Variants in TENM2 observed in about 807,000 individuals in gnomAD.
TENM2 encodes teneurin transmembrane protein 2, also known as teneurin-2.
TENM2 carries 52 observed loss-of-function variants against 245.2 expected under a neutral mutation model. The ratio of observed to expected loss-of-function variants is 0.21; its 90% CI spans 0.17 to 0.27. The LOEUF (loss-of-function observed/expected upper bound fraction) is 0.27. TENM2 is among the 10% of genes least tolerant of loss of function. The pLI is 1.00. For missense variants in TENM2, 3,046 were observed against 3,666.8 expected, an observed-to-expected ratio of 0.83 and a Z score of 4.37; for synonymous variants, 1,363 against 1,438.9, an observed-to-expected ratio of 0.95 and a Z score of 1.19.
chr5:168,155,845 G>A (rs149207272), intron 12 of TENM2, among the ~76,000 whole-genome samples: 1,511 of 131,448 alleles, frequency 0.011, 40 homozygotes, highest in African/African-American at 0.04. Flanking sequence ...GCCAAGCTCT[G>A]TTGAAATATT....
intron 2 of TENM2, among the ~76,000 whole-genome samples, chr5:167,380,707 A>C (rs1341849518): frequency 5.9e-5 from 9 of 152,154 alleles, no homozygotes; most frequent in Non-Finnish European, 1.2e-4. Flanking sequence ...CTTCAGGGAC[A>C]CATTGGGCTT....
the TENM2 span, among the ~76,000 whole-genome samples, chr5:167,208,808 T>A: frequency 6.6e-6 from 1 of 152,244 alleles, no homozygotes; most frequent in Non-Finnish European, 1.5e-5. Context: ...TCCCAATGTC[T>A]AAAATGACAT....
At chr5:168,245,064 ACC>A (rs1310561902) in intron 26 of TENM2, among the ~76,000 whole-genome samples, 4 of 151,852 alleles carry the variant, frequency 2.6e-5, no homozygotes, top group African/African-American at 9.7e-5. Flanking sequence ...ACCGCACCTG[ACC>A]ATTTCTGCTG....
At chr5:167,704,983 G>C (rs887955922) in intron 2 of TENM2, among the ~76,000 whole-genome samples, 4 of 152,106 alleles carry the variant, frequency 2.6e-5, no homozygotes, top group African/African-American at 9.7e-5. Context: ...ATGCATTATT[G>C]ACAGTGGAGA....
intron 2 of TENM2, among the ~76,000 whole-genome samples, chr5:167,772,961 A>G (rs1763501605): frequency 6.6e-6 from 1 of 152,218 alleles, no homozygotes. Flanking sequence ...AAACAGAGTC[A>G]AAATATCAGA....
At chr5:167,124,905 A>G in the TENM2 span, among the ~76,000 whole-genome samples, 1 of 152,176 alleles carries the variant, frequency 6.6e-6, no homozygotes, top group Admixed American at 6.5e-5. Flanking sequence ...TTCTACAGAG[A>G]CTTCATCATG....
intron 2 of TENM2, among the ~76,000 whole-genome samples, chr5:167,723,390 C>G (rs1759769601): frequency 6.6e-6 from 1 of 152,270 alleles, no homozygotes; most frequent in South Asian, 2.1e-4. Context: ...GTCTCCCCAC[C>G]CTTGCACTTG....
intron 2 of TENM2, among the ~76,000 whole-genome samples, chr5:167,605,397 C>T (rs1383508525): frequency 2.0e-5 from 3 of 152,094 alleles, no homozygotes; most frequent in Admixed American, 6.6e-5. Flanking sequence ...ATGTTGAGCA[C>T]GCTATGACCT....
At chr5:168,052,571 G>A (rs1257687013) in intron 6 of TENM2, among the ~76,000 whole-genome samples, 1 of 151,962 alleles carries the variant, frequency 6.6e-6, no homozygotes, top group Non-Finnish European at 1.5e-5. Context: ...TACCTTCTAA[G>A]AATTAACCAA....
intron 2 of TENM2, among the ~76,000 whole-genome samples, chr5:167,441,134 C>T (rs1278638805): frequency 6.6e-6 from 1 of 152,194 alleles, no homozygotes; most frequent in Admixed American, 6.5e-5. Flanking sequence ...TAGGACTGCT[C>T]TCATTCATGG....
At chr5:167,465,905 A>T (rs1766623511) in intron 2 of TENM2, among the ~76,000 whole-genome samples, 1 of 152,134 alleles carries the variant, frequency 6.6e-6, no homozygotes, top group African/African-American at 2.4e-5. Flanking sequence ...GATGTATGGG[A>T]TGTATCAGTA....
chr5:168,159,464 G>GAA (rs1757546626), intron 12 of TENM2, among the ~76,000 whole-genome samples: 1 of 152,196 alleles, frequency 6.6e-6, no homozygotes, highest in Non-Finnish European at 1.5e-5. Context: ...CCTCTCCAGA[G>GAA]AAAAGCCTCT....
At chr5:167,977,740 C>G (rs1488948058) in intron 4 of TENM2, among the ~76,000 whole-genome samples, 1 of 152,148 alleles carries the variant, frequency 6.6e-6, no homozygotes, top group Non-Finnish European at 1.5e-5. Flanking sequence ...TTTGAGCTTC[C>G]TGAAGAGTTC....
At chr5:167,563,607 A>G (rs894714452) in intron 2 of TENM2, among the ~76,000 whole-genome samples, 1 of 152,198 alleles carries the variant, frequency 6.6e-6, no homozygotes, top group Admixed American at 6.5e-5. Context: ...TTTATAGTTT[A>G]GCAAATACGG....
chr5:168,126,193 G>C (rs920524698), intron 11 of TENM2, among the ~76,000 whole-genome samples: 1 of 152,194 alleles, frequency 6.6e-6, no homozygotes, highest in Non-Finnish European at 1.5e-5. Flanking sequence ...CTGGGTAACG[G>C]GGTATCTGCA....
chr5:167,106,009 A>C, the TENM2 span, among the ~76,000 whole-genome samples: 1 of 150,496 alleles, frequency 6.6e-6, no homozygotes, highest in Non-Finnish European at 1.5e-5. Context: ...AATGATGTGA[A>C]TCGACAGAGT....
the TENM2 span, among the ~76,000 whole-genome samples, chr5:167,202,475 C>A: frequency 1.3e-5 from 2 of 152,184 alleles, no homozygotes; most frequent in African/African-American, 4.8e-5. Flanking sequence ...TATTTTACTT[C>A]TCTCTCCATG....
At chr5:167,881,503 G>A (rs1474341717) in intron 3 of TENM2, among the ~76,000 whole-genome samples, 1 of 152,166 alleles carries the variant, frequency 6.6e-6, no homozygotes, top group Admixed American at 6.5e-5. Context: ...AGTGTCTATA[G>A]TAACCACCTT....
intron 6 of TENM2, among the ~76,000 whole-genome samples, chr5:168,061,164 G>A (rs1581191114): frequency 6.6e-6 from 1 of 152,230 alleles, no homozygotes; most frequent in Middle Eastern, 3.4e-3. Context: ...ATATTTCTTA[G>A]CAAGTTCAGA....
Sources: allele counts gnomAD v4.1 joint callset (sites outside exome capture counted in the v4.1 genomes callset), GRCh38; gene constraint gnomAD v4.1.1; transcripts MANE v1.5; gene names NCBI Gene and HGNC (gene_info 2026-07-23, HGNC 2026-07-21).